The following GCNT2 variants were observed in gnomAD, a reference collection of about 807,000 sequenced individuals.
GCNT2 encodes N-acetyllactosaminide beta-1,6-N-acetylglucosaminyl-transferase.
GCNT2 carries 34 observed loss-of-function variants against 34.2 expected under a neutral mutation model. The observed-to-expected ratio is 1.00, with a 90% CI of 0.76 to 1.32. GCNT2 has a LOEUF of 1.32. GCNT2 is among the 40% of genes most tolerant of loss of function. The pLI, the probability that GCNT2 is intolerant of heterozygous loss-of-function variation, is 0.00. For synonymous variants in GCNT2, 212 were observed against 188.0 expected (o/e 1.13, Z -1.04); for missense variants, 584 against 489.4 (o/e 1.19, Z -1.82).
At chr6:10,617,676 C>G (rs912057101) in intron 3 of GCNT2, among the ~76,000 whole-genome samples, 3 of 152,024 alleles carry the variant, frequency 2.0e-5, no homozygotes, top group African/African-American at 7.3e-5. Flanking sequence ...TCACAGGCCT[C>G]TGACACCTCA....
intron 1 of GCNT2, among the ~76,000 whole-genome samples, chr6:10,525,374 T>TG (rs551385977): frequency 3.8e-4 from 58 of 152,252 alleles, no homozygotes; most frequent in Middle Eastern, 3.4e-3. Context: ...GACTTAGAAT[T>TG]GGGGGGTATT....
At chr6:10,586,777 G>A (rs1440750269) in intron 3 of GCNT2, 2 of 1,613,910 alleles carry the variant, frequency 1.2e-6, no homozygotes, top group African/African-American at 2.7e-5. Context: ...ATCTACTTTG[G>A]CACTGCCTAT....
intron 3 of GCNT2, among the ~76,000 whole-genome samples, chr6:10,587,192 T>C (rs930595263): frequency 6.6e-6 from 1 of 152,222 alleles, no homozygotes; most frequent in Admixed American, 6.5e-5. Context: ...CTTTTCGTAG[T>C]CCTTGATAAA....
intron 3 of GCNT2, among the ~76,000 whole-genome samples, chr6:10,607,475 G>A (rs994523191): frequency 6.6e-6 from 1 of 152,006 alleles, no homozygotes; most frequent in Non-Finnish European, 1.5e-5. Flanking sequence ...ACGCCCCCAC[G>A]ATCCAATCAC....
intron 3 of GCNT2, among the ~76,000 whole-genome samples, chr6:10,539,468 C>T (rs572948122): frequency 5.3e-5 from 8 of 152,176 alleles, no homozygotes; most frequent in South Asian, 2.1e-4. Context: ...GAATTACAGA[C>T]GTGAGCCACT....
At chr6:10,567,854 C>T (rs901502394) in intron 3 of GCNT2, among the ~76,000 whole-genome samples, 5 of 152,116 alleles carry the variant, frequency 3.3e-5, no homozygotes, top group African/African-American at 7.2e-5. Context: ...AACTCTCAGC[C>T]GAAACCTCAA....
intron 3 of GCNT2, among the ~76,000 whole-genome samples, chr6:10,601,532 C>T (rs1320788645): frequency 3.3e-5 from 5 of 152,150 alleles, no homozygotes; most frequent in Admixed American, 2.0e-4. Flanking sequence ...AAAAACTCTG[C>T]TTAGGTTTGC....
intron 3 of GCNT2, among the ~76,000 whole-genome samples, chr6:10,588,180 G>A (rs1026197102): frequency 1.3e-5 from 2 of 152,178 alleles, no homozygotes; most frequent in Non-Finnish European, 2.9e-5. Context: ...GCTGTCTCAT[G>A]CGCAATTTAT....
At chr6:10,573,350 A>ATTGTTGTTGTTG in intron 3 of GCNT2, 5 of 871,294 alleles carry the variant, frequency 5.7e-6, no homozygotes, top group Non-Finnish European at 6.9e-6. Flanking sequence ...TGTGGGTTTT[A>ATTGTTGTTGTTG]TTGTTGTTGT....
intron 3 of GCNT2, among the ~76,000 whole-genome samples, chr6:10,588,048 A>G (rs936822643): frequency 2.6e-5 from 4 of 152,220 alleles, no homozygotes; most frequent in South Asian, 4.1e-4. Context: ...AGTAGACTCA[A>G]TGCAGAAAGG....
In GCNT2 at chr6:10,529,033, A is replaced by T; in HGVS notation, c.122A>T (p.Asn41Ile). Residue 41 changes from asparagine to isoleucine, a missense_variant, in exon 3 of 5, where the codon AAT becomes ATT. Transcript: ENST00000495262. ...NKRFLRAALSNASLLAEACHQ... is the reference protein window; with the variant it reads ...NKRFLRAALSIASLLAEACHQ... ...CGTTTTCTGAGGGCAGCTCTGTCCA[A>T]TGCTTCACTGTTAGCAGAAGCCTGT... The T allele has an allele frequency of 6.2e-7, 1 of 1,614,148 alleles. No homozygotes were observed. Among genetic ancestry groups the T allele is most frequent in the Non-Finnish European group, 8.5e-7 (1 of 1,179,988 alleles).
chr6:10,529,145 G>A lies in GCNT2; in HGVS notation c.234G>A (p.Met78Ile). The change falls in exon 3 of 5, where the codon ATG (methionine) becomes ATA (isoleucine). Residue 78 changes from methionine to isoleucine, a missense_variant. Coordinates refer to ENST00000495262, the MANE Select transcript of GCNT2 (RefSeq NM_145649.5). The stretch of plus-strand genomic sequence containing the variant: ...ATGAAGCTACCTGCTATGAGTACAT[G>A]GTTCGAAGCCACTATGTAACAGAAA... ...TLDEATCYEY[M>I]VRSHYVTETL... is the part of the protein sequence containing the mutation. The A allele has an allele frequency of 1.2e-6, 2 of 1,613,994 alleles. No homozygotes were observed. The highest frequency in any genetic ancestry group is 2.2e-5 in the South Asian group (2 of 91,074).
chr6:10,579,920 C>T (rs1315573943), intron 3 of GCNT2, among the ~76,000 whole-genome samples: 3 of 151,652 alleles, frequency 2.0e-5, no homozygotes, highest in Non-Finnish European at 4.4e-5. Flanking sequence ...CACAGCTCTG[C>T]GTTTGTAGTT....
At chr6:10,588,083 G>C (rs976661037) in intron 3 of GCNT2, among the ~76,000 whole-genome samples, 1 of 152,194 alleles carries the variant, frequency 6.6e-6, no homozygotes, top group African/African-American at 2.4e-5. Flanking sequence ...GCATTCCTAA[G>C]AGCTAAACTA....
intron 3 of GCNT2, among the ~76,000 whole-genome samples, chr6:10,539,477 C>T (rs948382745): frequency 3.3e-5 from 5 of 152,124 alleles, no homozygotes; most frequent in African/African-American, 1.2e-4. Flanking sequence ...ACGTGAGCCA[C>T]TGCGCCCGGC....
At chr6:10,560,885 G>A (rs1009184869) in intron 3 of GCNT2, among the ~76,000 whole-genome samples, 4 of 152,134 alleles carry the variant, frequency 2.6e-5, no homozygotes, top group African/African-American at 9.7e-5. Context: ...CTTTTCAGGG[G>A]AACCAGGTAA....
intron 3 of GCNT2, among the ~76,000 whole-genome samples, chr6:10,561,997 T>C (rs1763006607): frequency 1.3e-5 from 2 of 152,344 alleles, no homozygotes; most frequent in Admixed American, 6.5e-5. Context: ...TAGGACTCTT[T>C]CGGTTGCAAG....
intron 3 of GCNT2, among the ~76,000 whole-genome samples, chr6:10,562,344 C>T (rs1409251084): frequency 1.3e-5 from 2 of 152,152 alleles, no homozygotes; most frequent in Non-Finnish European, 2.9e-5. Flanking sequence ...GTGGTTACTC[C>T]TGGGGGACAA....
chr6:10,573,466 T>A (rs1763645302), intron 3 of GCNT2: 1 of 173,228 alleles, frequency 5.8e-6, no homozygotes, highest in African/African-American at 2.4e-5. Flanking sequence ...AAAAGCAGTG[T>A]GTCCCTGGAA....
Sources: gnomAD v4.1 joint callset for allele counts (sites outside exome capture counted in the v4.1 genomes callset) on GRCh38, gnomAD v4.1.1 for gene constraint, MANE v1.5 for transcripts, NCBI Gene and HGNC (gene_info 2026-07-23, HGNC 2026-07-21) for gene names.